ARHGAP1: variants seen among roughly 807,000 people sequenced by gnomAD.
The protein encoded by ARHGAP1 is Rho GTPase activating protein 1, also known as rho GTPase-activating protein 1.
Under a neutral mutation model 52.2 loss-of-function variants are expected in ARHGAP1, and 23 were observed. That is an observed-to-expected ratio of 0.44 (90% CI 0.32 to 0.62). The LOEUF is 0.62. Among genes scored for constraint, ARHGAP1 ranks in the 20% least tolerant of loss-of-function variants. ARHGAP1 has a pLI of 0.05. For synonymous variants in ARHGAP1, 210 were observed against 228.4 expected (o/e 0.92, Z 0.73); for missense variants, 480 against 560.9 (o/e 0.86, Z 1.46).
intron 4 of ARHGAP1, 141 bp from the exon 5 acceptor site, chr11:46,682,323 TA>T (rs2064535267): frequency 1.7e-6 from 2 of 1,177,530 alleles, no homozygotes; most frequent in South Asian, 3.1e-5. Flanking sequence ...TTCTGGCTCA[TA>T]ATCAGTCACC....
rs184682775 is a variant in ARHGAP1, at chr11:46,695,948, G to A, written c.133+27C>T. On this transcript the variant is annotated intron_variant, in intron 2 of 12. Coordinates refer to ENST00000311956, the MANE Select transcript of ARHGAP1 (RefSeq NM_004308.5). The stretch of plus-strand genomic sequence containing the variant: ...TGCTTCCCCCTCTAAAGCGCCTGTA[G>A]CTGCCTGAGACCAGACACAAGCCCA... 521 of 1,614,112 alleles carry A rather than the reference G, an allele frequency of 3.2e-4. 3 individuals are homozygous for A. The African/African-American group carries it at 6.2e-3, about 19-fold the overall frequency.
chr11:46,679,615 G>T lies in ARHGAP1; in HGVS notation c.1027+33C>A. On this transcript the variant is annotated intron_variant, in intron 11 of 12. Transcript: ENST00000311956. This position sits in a 1 kb window ranked among gnomAD's most constrained non-coding sequence, Gnocchi z 4.4. Reference sequence around the variant, plus strand: ...CTGCAGCGCACCTGCCCCAAGTCCAGCCCCAGGCCCAACAGAAGAGATGGG... The same window carrying T: ...CTGCAGCGCACCTGCCCCAAGTCCATCCCCAGGCCCAACAGAAGAGATGGG... The T allele has an allele frequency of 2.5e-6, 4 of 1,613,460 alleles. No individual in the cohort carries two copies. Among genetic ancestry groups the T allele is most frequent in the Non-Finnish European group, 3.4e-6 (4 of 1,179,716 alleles).
Position 46,681,303 on chromosome 11 carries a change from G to C in ARHGAP1, c.526C>G (p.Pro176Ala), listed in dbSNP as rs151245025. ...CCCGTGGCCACTCACCTGATGAGGGGCTTGAAGAGGATGAGCAGAGTTTTG... is the reference window on the plus strand; with the variant it reads ...CCCGTGGCCACTCACCTGATGAGGGCCTTGAAGAGGATGAGCAGAGTTTTG... ...FIKTLLILFK[P>A]LISFKFGQKI... Residue 176 changes from proline to alanine, a missense_variant, in exon 6 of 13, where the codon CCC becomes GCC. By Grantham distance (27) the Pro-to-Ala change is conservative. Transcript: ENST00000311956. This position sits in a 1 kb window ranked among gnomAD's most constrained non-coding sequence, Gnocchi z 5.7. 54 of 1,613,102 alleles carry C rather than the reference G, an allele frequency of 3.3e-5. No homozygotes were observed. Among genetic ancestry groups the C allele is most frequent in the Non-Finnish European group, 4.3e-5 (51 of 1,179,172 alleles).
intron 4 of ARHGAP1, among the ~76,000 whole-genome samples, chr11:46,686,321 T>C (rs2064568338): frequency 6.6e-6 from 1 of 151,948 alleles, no homozygotes; most frequent in Non-Finnish European, 1.5e-5. Flanking sequence ...CAAGTCTCAT[T>C]TTTACAGGGC....
Position 46,678,858 on chromosome 11 carries a change from G to A in ARHGAP1, c.*179C>T, listed in dbSNP as rs1424022399. Reference sequence around the variant, plus strand: ...TGAGAAGTGTAAGGCAGAGAAAAACGTCTTCTGGTAACAGCGAGGCCGCCA... The same window carrying A: ...TGAGAAGTGTAAGGCAGAGAAAAACATCTTCTGGTAACAGCGAGGCCGCCA... On this transcript the variant is annotated 3_prime_UTR_variant, in exon 13 of 13. Transcript: ENST00000311956. 9 of 678,472 alleles carry A rather than the reference G, an allele frequency of 1.3e-5. No homozygotes were observed. The highest frequency in any genetic ancestry group is 7.7e-5 in the South Asian group (4 of 52,036). The allele number at this position is 678,472 out of a possible 1,614,324, so 42.0% of individuals were successfully genotyped here. A position where few individuals can be genotyped will look rare whatever the true frequency, so the allele number is the denominator to read the frequency against.
Position 46,680,987 on chromosome 11 carries a change from C to T in ARHGAP1, c.635+24G>A, listed in dbSNP as rs763445470. The T allele has an allele frequency of 2.5e-6, 4 of 1,607,674 alleles. No homozygotes were observed. In the South Asian group the frequency reaches 4.4e-5, roughly 18 times the overall value. ...TCCTCATTACCCTGGCTTCACGAGCCCCCAGCCGCCGCACCCGCCTCACTT... is the reference window on the plus strand; with the variant it reads ...TCCTCATTACCCTGGCTTCACGAGCTCCCAGCCGCCGCACCCGCCTCACTT... On this transcript the variant is annotated intron_variant, in intron 7 of 12. Transcript: ENST00000311956. This position sits in a 1 kb window ranked among gnomAD's most constrained non-coding sequence, Gnocchi z 5.9.
intron 4 of ARHGAP1, among the ~76,000 whole-genome samples, chr11:46,684,319 A>G (rs978406570): frequency 5.9e-5 from 9 of 152,248 alleles, no homozygotes; most frequent in Non-Finnish European, 7.3e-5. Flanking sequence ...GATGGAGGTT[A>G]TGGCCTTTTG....
Position 46,677,784 on chromosome 11 carries a change from T to C in ARHGAP1, c.*1253A>G, listed in dbSNP as rs2064489917. 3.2e-6 allele frequency: 1 copy of C among 315,408 alleles called. No individual in the cohort carries two copies. Among genetic ancestry groups the C allele is most frequent in the South Asian group, 2.3e-5 (1 of 42,774 alleles). The allele number at this position is 315,408 out of a possible 1,614,324, so 19.5% of individuals were successfully genotyped here. A position where few individuals can be genotyped will look rare whatever the true frequency, so the allele number is the denominator to read the frequency against. On this transcript the variant is annotated 3_prime_UTR_variant, in exon 13 of 13. Coordinates refer to ENST00000311956, the MANE Select transcript of ARHGAP1 (RefSeq NM_004308.5). ...GGCCAACATGGTGAAACCCCGTCTCTACTAAAAATACAAAAATTAGCTGGG... is the reference window on the plus strand; with the variant it reads ...GGCCAACATGGTGAAACCCCGTCTCCACTAAAAATACAAAAATTAGCTGGG...
In ARHGAP1 at chr11:46,679,511, G is replaced by A; in HGVS notation, c.1028-43C>T. 6.2e-7 allele frequency: 1 copy of A among 1,610,032 alleles called. No individual in the cohort carries two copies. The highest frequency in any genetic ancestry group is 8.5e-7 in the Non-Finnish European group (1 of 1,176,872). ...CCGGGTTATAGGGGCCCTAGGCTGG[G>A]CTGGTTCAGGACGCTCTGATGCAGG... On this transcript the variant is annotated intron_variant, in intron 11 of 12. Coordinates refer to ENST00000311956, the MANE Select transcript of ARHGAP1 (RefSeq NM_004308.5). The surrounding 1 kb of genome is among the most constrained non-coding windows in gnomAD (Gnocchi z 4.4).
In ARHGAP1 at chr11:46,679,935, C is replaced by A. The variant is rs1441213156; in HGVS notation, c.899-159G>T. 1.6e-6 allele frequency: 2 copies of A among 1,239,534 alleles called. No individual in the cohort carries two copies. The highest frequency in any genetic ancestry group is 2.6e-5 in the Admixed American group (1 of 38,932). The allele number at this position is 1,239,534 out of a possible 1,614,324, so 76.8% of individuals were successfully genotyped here. On this transcript the variant is annotated intron_variant, in intron 10 of 12. Transcript: ENST00000311956. The surrounding 1 kb of genome is among the most constrained non-coding windows in gnomAD (Gnocchi z 4.4). The stretch of plus-strand genomic sequence containing the variant: ...ACCTGCCTCCCTCTTCCTCTGTGAT[C>A]AGAGAATGCAGGTTCCGGCCATCTG...
chr11:46,689,148 G>A (rs1016188215), intron 3 of ARHGAP1, among the ~76,000 whole-genome samples: 6 of 151,674 alleles, frequency 4.0e-5, no homozygotes, highest in African/African-American at 1.5e-4. Context: ...GATAAAAGAT[G>A]TAGTTAATCC....
At position 46,677,569 on chromosome 11, in the gene ARHGAP1, T is replaced by G. The variant is rs1186674636; in HGVS notation, c.*1468A>C. The G allele has an allele frequency of 4.8e-6, 1 of 209,430 alleles. No individual in the cohort carries two copies. Among genetic ancestry groups the G allele is most frequent in the Non-Finnish European group, 9.8e-6 (1 of 101,746 alleles). The allele number at this position is 209,430 out of a possible 1,614,324, so 13.0% of individuals were successfully genotyped here. A position where few individuals can be genotyped will look rare whatever the true frequency, so the allele number is the denominator to read the frequency against. On this transcript the variant is annotated 3_prime_UTR_variant, in exon 13 of 13. Coordinates refer to ENST00000311956, the MANE Select transcript of ARHGAP1 (RefSeq NM_004308.5). The stretch of plus-strand genomic sequence containing the variant: ...TCCCTGTACTCCCCAAGGACAAGGC[T>G]GCAGGAAGAGGGATCCCCAGGAAGG...
rs1160442679 is a variant in ARHGAP1 at position 46,678,165 on chromosome 11, G to C, written c.*872C>G. 8.2e-6 allele frequency: 2 copies of C among 243,894 alleles called. No individual in the cohort carries two copies. Among genetic ancestry groups the C allele is most frequent in the Non-Finnish European group, 1.7e-5 (2 of 119,940 alleles). 15.1% of individuals were successfully genotyped at this position (243,894 alleles called of 1,614,324 possible). On this transcript the variant is annotated 3_prime_UTR_variant, in exon 13 of 13. Transcript: ENST00000311956. Reference sequence around the variant, plus strand: ...CTGGGGCAGGGGCCAGTGTGACTCCGTAACAGACAGGTCCACAAGAACATG... The same window carrying C: ...CTGGGGCAGGGGCCAGTGTGACTCCCTAACAGACAGGTCCACAAGAACATG...
chr11:46,693,368 C>G (rs1341513186), intron 3 of ARHGAP1, among the ~76,000 whole-genome samples: 2 of 150,926 alleles, frequency 1.3e-5, no homozygotes, highest in East Asian at 2.0e-4. Flanking sequence ...GCAAAGTGGA[C>G]TGTGACCAGT....
chr11:46,698,029 C>T (rs1286666201), intron 1 of ARHGAP1, among the ~76,000 whole-genome samples: 1 of 152,224 alleles, frequency 6.6e-6, no homozygotes, highest in Non-Finnish European at 1.5e-5. Context: ...TCTATTCAGC[C>T]TGTCACTGCC....
chr11:46,696,269 T>C lies in ARHGAP1; in HGVS notation c.-49-113A>G. The stretch of plus-strand genomic sequence containing the variant: ...TTCCCTCTCCCAGGCTCCCTGTCCC[T>C]ATTCCTCAACACTCCTCATCCCCGC... On this transcript the variant is annotated intron_variant, in intron 1 of 12. Coordinates refer to ENST00000311956, the MANE Select transcript of ARHGAP1 (RefSeq NM_004308.5). The surrounding 1 kb of genome is among the most constrained non-coding windows in gnomAD (Gnocchi z 4.8). 1.4e-6 allele frequency: 1 copy of C among 706,924 alleles called. No individual in the cohort carries two copies. The highest frequency in any genetic ancestry group is 2.3e-6 in the Non-Finnish European group (1 of 434,956). The allele number at this position is 706,924 out of a possible 1,614,324, so 43.8% of individuals were successfully genotyped here.
At position 46,681,933 on chromosome 11, in the gene ARHGAP1, G is replaced by C; in HGVS notation, c.449+118C>G. ...GCAGATTCTTTACATTGACGTAGAC[G>C]GCAGCCCCCGCCACCCCCTGCCTTG... On this transcript the variant is annotated intron_variant, in intron 5 of 12. Coordinates refer to ENST00000311956, the MANE Select transcript of ARHGAP1 (RefSeq NM_004308.5). The surrounding 1 kb of genome is among the most constrained non-coding windows in gnomAD (Gnocchi z 5.7). 3.5e-6 allele frequency: 5 copies of C among 1,426,516 alleles called. No homozygotes were observed. The highest frequency in any genetic ancestry group is 4.8e-6 in the Non-Finnish European group (5 of 1,045,528). 88.4% of individuals were successfully genotyped at this position (1,426,516 alleles called of 1,614,324 possible). A position where few individuals can be genotyped will look rare whatever the true frequency, so the allele number is the denominator to read the frequency against.
Position 46,680,371 on chromosome 11 carries a change from G to A in ARHGAP1, c.821-89C>T. The A allele has an allele frequency of 1.3e-6, 2 of 1,578,380 alleles. No individual in the cohort carries two copies. Among genetic ancestry groups the A allele is most frequent in the Admixed American group, 1.7e-5 (1 of 59,698 alleles). On this transcript the variant is annotated intron_variant, in intron 9 of 12. Transcript: ENST00000311956. This position sits in a 1 kb window ranked among gnomAD's most constrained non-coding sequence, Gnocchi z 5.9. ...TCTCTGTCTTGGGGTTCTAGGCAGG[G>A]CTGGGTGGGGACGTTGAGGCTTGCA...
rs140061395 is a variant in ARHGAP1 at position 46,694,498 on chromosome 11, G to A, written c.229+1162C>T. 2.6e-3 allele frequency among the ~76,000 whole-genome samples: 395 copies of A among 152,296 alleles called. 2 individuals carry two copies. Among genetic ancestry groups the A allele is most frequent in the African/African-American group, 9.1e-3 (379 of 41,560 alleles). On this transcript the variant is annotated intron_variant, in intron 3 of 12. Transcript: ENST00000311956. ...ATAGAAACAAATTGCAGCTCTGTGC[G>A]GGGGTTGTGGGGAAGGAGGTGTCAC...
Sources: gnomAD v4.1 joint callset for allele counts (sites outside exome capture counted in the v4.1 genomes callset) on GRCh38, gnomAD v4.1.1 for gene constraint, Gnocchi (gnomAD v3.1) non-coding constraint, MANE v1.5 for transcripts, NCBI Gene and HGNC (gene_info 2026-07-23, HGNC 2026-07-21) for gene names.